Variants in TTC39C observed in about 807,000 individuals in gnomAD.
The protein encoded by TTC39C is tetratricopeptide repeat protein 39C.
Under a neutral mutation model 76.3 loss-of-function variants are expected in TTC39C, and 33 were observed. That is an observed-to-expected ratio of 0.43 (90% CI 0.33 to 0.58). The LOEUF is 0.58. Ranked by LOEUF, TTC39C falls within the 20% of genes least tolerant of loss-of-function variation. The pLI, the probability that TTC39C is intolerant of heterozygous loss-of-function variation, is 0.04. For synonymous variants in TTC39C, 254 were observed against 260.6 expected (o/e 0.97, Z 0.24); for missense variants, 595 against 701.4 (o/e 0.85, Z 1.71).
chr18:24,112,918 C>A (rs4800546), intron 6 of TTC39C, among the ~76,000 whole-genome samples: 125,171 of 152,152 alleles, frequency 0.82, 51,728 homozygotes, highest in East Asian at 1. Flanking sequence ...ATACCTCCAC[C>A]TGCGCTCATG....
At chr18:24,122,808 C>T (rs925405650) in intron 8 of TTC39C, among the ~76,000 whole-genome samples, 8 of 152,090 alleles carry the variant, frequency 5.3e-5, no homozygotes, top group East Asian at 3.9e-4. Context: ...CTCAAGACTC[C>T]GCTCGACTTC....
chr18:24,023,989 T>C (rs1270984585), intron 1 of TTC39C, among the ~76,000 whole-genome samples: 1 of 5,014 alleles, frequency 2.0e-4, no homozygotes, highest in African/African-American at 5.4e-4. Flanking sequence ...TACATATATA[T>C]ATATATATAT....
intron 7 of TTC39C, among the ~76,000 whole-genome samples, chr18:24,117,591 AC>A (rs1326707232): frequency 6.6e-6 from 1 of 152,072 alleles, no homozygotes; most frequent in African/African-American, 2.4e-5. Context: ...AATCCCAGCT[AC>A]TTGGGAGGCT....
At chr18:24,016,849 T>G (rs2145644760) in intron 1 of TTC39C, 1 of 397,572 alleles carries the variant, frequency 2.5e-6, no homozygotes, top group Non-Finnish European at 4.4e-6. Context: ...CTGTAGTACC[T>G]CTTTTCTGCC....
At chr18:24,112,476 C>T (rs1386156428) in intron 6 of TTC39C, among the ~76,000 whole-genome samples, 1 of 152,216 alleles carries the variant, frequency 6.6e-6, no homozygotes, top group Non-Finnish European at 1.5e-5. Context: ...ATACCTACCT[C>T]AGAGAGTTTG....
chr18:24,067,946 C>T (rs776464559), intron 3 of TTC39C, among the ~76,000 whole-genome samples: 6 of 152,120 alleles, frequency 3.9e-5, no homozygotes, highest in African/African-American at 1.4e-4. Flanking sequence ...GTTCTTTCTA[C>T]GTGTCCTTTT....
rs867279908 is a variant in TTC39C, at chr18:24,125,356, G to T, written c.1297-71G>T. Reference sequence around the variant, plus strand: ...TGATGATGAACTGTGTGCTTTTAAAGTGTCTGAGGTATATTTTTTATTTGA... The same window carrying T: ...TGATGATGAACTGTGTGCTTTTAAATTGTCTGAGGTATATTTTTTATTTGA... On this transcript the variant is annotated intron_variant, in intron 9 of 13. Coordinates refer to ENST00000317571, the MANE Select transcript of TTC39C (RefSeq NM_001135993.2). 7.6e-6 allele frequency: 12 copies of T among 1,583,818 alleles called. No homozygotes were observed. In the African/African-American group the frequency reaches 1.4e-4, roughly 18 times the overall value.
chr18:24,046,962 A>G (rs2083892832), intron 1 of TTC39C, among the ~76,000 whole-genome samples: 1 of 151,934 alleles, frequency 6.6e-6, no homozygotes, highest in African/African-American at 2.4e-5. Flanking sequence ...TTACTGAAAT[A>G]CTTAACTTTC....
intron 1 of TTC39C, among the ~76,000 whole-genome samples, chr18:24,024,002 A>ATTTTTTTTTT (rs2083562942): frequency 2.4e-4 from 1 of 4,242 alleles, no homozygotes. Context: ...ATATATATAT[A>ATTTTTTTTTT]TATATATATA....
chr18:24,007,808 T>C (rs1470609101), intron 1 of TTC39C, among the ~76,000 whole-genome samples: 2 of 152,244 alleles, frequency 1.3e-5, no homozygotes, highest in Non-Finnish European at 2.9e-5. Flanking sequence ...ATGATGCAAC[T>C]AGTTATTTAA....
At chr18:23,999,144 T>C (rs1030643098) in intron 1 of TTC39C, among the ~76,000 whole-genome samples, 7 of 152,222 alleles carry the variant, frequency 4.6e-5, no homozygotes, top group Non-Finnish European at 1.0e-4. Flanking sequence ...TGTGGACATA[T>C]GGGTGTGATG....
chr18:24,124,658 T>C (rs557494323), intron 9 of TTC39C, among the ~76,000 whole-genome samples: 1 of 152,328 alleles, frequency 6.6e-6, no homozygotes, highest in South Asian at 2.1e-4. Context: ...TGAATGAACA[T>C]TTAATGAAGC....
chr18:24,044,048 ATGTTTG>A (rs1004802166), intron 1 of TTC39C, among the ~76,000 whole-genome samples: 11 of 96,448 alleles, frequency 1.1e-4, no homozygotes, highest in Non-Finnish European at 1.8e-4. Context: ...GCATTTGTGT[ATGTTTG>A]TGTGTGTGTG....
intron 4 of TTC39C, among the ~76,000 whole-genome samples, chr18:24,078,159 C>T (rs985458851): frequency 5.3e-5 from 8 of 152,160 alleles, no homozygotes; most frequent in African/African-American, 1.7e-4. Flanking sequence ...TTTACTTGTT[C>T]ATTCTACCCT....
intron 4 of TTC39C, among the ~76,000 whole-genome samples, chr18:24,074,953 A>G (rs1441866873): frequency 2.6e-5 from 4 of 152,228 alleles, no homozygotes; most frequent in South Asian, 2.1e-4. Context: ...CATATACACC[A>G]TGGAATACTA....
chr18:24,132,838 T>C lies in TTC39C; in HGVS notation c.*264T>C. ...GTTAAGTGACCTTGCTCAAACGTTT[T>C]AGTTTTGTGATTTATTATTTTTAAA... On this transcript the variant is annotated 3_prime_UTR_variant, in exon 14 of 14. Coordinates refer to ENST00000317571, the MANE Select transcript of TTC39C (RefSeq NM_001135993.2). The C allele has an allele frequency of 3.1e-6, 1 of 324,512 alleles. No individual in the cohort carries two copies. The highest frequency in any genetic ancestry group is 1.1e-4 in the South Asian group (1 of 9,496). The allele number at this position is 324,512 out of a possible 1,614,324, so 20.1% of individuals were successfully genotyped here.
chr18:24,047,121 T>G (rs1296645123), intron 1 of TTC39C, among the ~76,000 whole-genome samples: 1 of 151,526 alleles, frequency 6.6e-6, no homozygotes, highest in Non-Finnish European at 1.5e-5. Flanking sequence ...TGAGATGGAG[T>G]CTCACTCGGT....
chr18:24,111,180 C>T (rs577716325), intron 6 of TTC39C, among the ~76,000 whole-genome samples: 75 of 152,010 alleles, frequency 4.9e-4, no homozygotes, highest in African/African-American at 1.8e-3. Flanking sequence ...TTAGTAGAGA[C>T]GGGGTTTCAC....
At chr18:23,994,954 A>C (rs1016826640) in intron 1 of TTC39C, among the ~76,000 whole-genome samples, 2 of 152,034 alleles carry the variant, frequency 1.3e-5, no homozygotes, top group African/African-American at 4.8e-5. Flanking sequence ...TAATGGTTAC[A>C]TCTCACACCA....
Sources: gnomAD v4.1 joint callset for allele counts (sites outside exome capture counted in the v4.1 genomes callset) on GRCh38, gnomAD v4.1.1 for gene constraint, MANE v1.5 for transcripts, NCBI Gene and HGNC (gene_info 2026-07-23, HGNC 2026-07-21) for gene names.